LIPA: variants seen among roughly 807,000 people sequenced by gnomAD.
LIPA encodes the protein lysosomal acid lipase/cholesteryl ester hydrolase.
LIPA carries 26 observed loss-of-function variants against 40.6 expected under a neutral mutation model. The ratio of observed to expected loss-of-function variants is 0.64; its 90% CI spans 0.47 to 0.89. The LOEUF is 0.89. LIPA is among the 40% of genes least tolerant of loss of function. LIPA has a pLI of 0.00. For missense variants in LIPA, 455 were observed against 479.6 expected (o/e 0.95, Z 0.48); for synonymous variants, 188 against 168.4 (o/e 1.12, Z -0.90).
intron 1 of LIPA, chr10:89,301,882 G>C (rs1843447096): frequency 9.7e-6 from 4 of 414,050 alleles, no homozygotes; most frequent in African/African-American, 2.0e-5. Context: ...AGCTCCGGAG[G>C]AAAAAGAGTC....
In LIPA at chr10:89,250,163, G is replaced by A. The variant is rs1285277128; in HGVS notation, c.-2+1574C>T. On this transcript the variant is annotated intron_variant, in intron 1 of 9. Transcript: ENST00000336233. ...CCCCCAGGCTGGAGTACAGTGGCGA[G>A]ATCTTGGCTCACTGCAAGCTCCACC... is the stretch of plus-strand genomic sequence containing the variant. Among the ~76,000 whole-genome samples, 9 of 141,500 alleles carry A rather than the reference G, an allele frequency of 6.4e-5. 1 individual carries two copies. In the Admixed American group the frequency reaches 6.6e-4, roughly 10 times the overall value. The allele number at this position is 141,500 out of a possible 152,430, so 92.8% of individuals were successfully genotyped here.
At chr10:89,248,443 TA>T (rs370127110) in intron 1 of LIPA, among the ~76,000 whole-genome samples, 8,669 of 33,054 alleles carry the variant, frequency 0.26, 378 homozygotes, top group Middle Eastern at 0.44. Context: ...TATTATTTTA[TA>T]TTTATTTATT....
At chr10:89,266,131 C>T (rs34036515) in intron 1 of LIPA, among the ~76,000 whole-genome samples, 18,160 of 152,270 alleles carry the variant, frequency 0.12, 1,413 homozygotes, top group Non-Finnish European at 0.17. Context: ...AATCAAAACA[C>T]AGCATCGTAG....
intron 2 of LIPA, chr10:89,384,157 C>T (rs779287688): frequency 1.9e-5 from 31 of 1,614,078 alleles, no homozygotes; most frequent in Non-Finnish European, 2.3e-5. Flanking sequence ...GGAGACAACA[C>T]CCACTTCTGC....
chr10:89,299,970 T>C (rs1843435751), intron 1 of LIPA, among the ~76,000 whole-genome samples: 1 of 152,222 alleles, frequency 6.6e-6, no homozygotes, highest in Non-Finnish European at 1.5e-5. Context: ...TGCACTCACA[T>C]GTTCATCACA....
Position 89,215,623 on chromosome 10 carries a change from C to A in LIPA, c.966+315G>T, listed in dbSNP as rs571957385. Among the ~76,000 whole-genome samples the A allele has an allele frequency of 2.0e-5, 3 of 152,288 alleles. No homozygotes were observed. In the East Asian group the frequency reaches 5.8e-4, roughly 29 times the overall value. On this transcript the variant is annotated intron_variant, in intron 9 of 9. Transcript: ENST00000336233. ...AGAGGCTTAAGCAATGTAATCTGGCCAAGGCCCCATAGCTACCAGATAACA... is the reference window on the plus strand; with the variant it reads ...AGAGGCTTAAGCAATGTAATCTGGCAAAGGCCCCATAGCTACCAGATAACA...
intron 6 of LIPA, 24 bp from the exon 7 acceptor site, chr10:89,223,854 GA>G: frequency 6.2e-7 from 1 of 1,612,768 alleles, no homozygotes. Flanking sequence ...AGAAACCCAA[GA>G]ACATCTCAGC....
intron 2 of LIPA, among the ~76,000 whole-genome samples, chr10:89,395,429 C>T (rs303216): frequency 0.17 from 26,418 of 152,150 alleles, 2,936 homozygotes; most frequent in East Asian, 0.45. Context: ...ATATTACCCT[C>T]TTCTCTCTGG....
At chr10:89,327,930 A>C (rs1223205128) in intron 1 of LIPA, 1 of 703,408 alleles carries the variant, frequency 1.4e-6, no homozygotes, top group Non-Finnish European at 2.4e-6. Flanking sequence ...AAAAACGGAG[A>C]AAACATCAGC....
intron 1 of LIPA, among the ~76,000 whole-genome samples, chr10:89,291,091 T>A (rs1843371903): frequency 6.6e-6 from 1 of 152,166 alleles, no homozygotes; most frequent in African/African-American, 2.4e-5. Context: ...GGATGACTTC[T>A]CGGTCTCCTT....
At chr10:89,272,474 A>C (rs1349891398) in intron 1 of LIPA, among the ~76,000 whole-genome samples, 1 of 152,224 alleles carries the variant, frequency 6.6e-6, no homozygotes, top group African/African-American at 2.4e-5. Context: ...TATGTGTACA[A>C]CATTTTCTTT....
rs575887084 is a variant in LIPA, at chr10:89,221,309, C to G, written c.894+1202G>C. Among the ~76,000 whole-genome samples, 16 of 152,028 alleles carry G rather than the reference C, an allele frequency of 1.1e-4. No homozygotes were observed. The East Asian group carries it at 2.3e-3, about 22-fold the overall frequency. On this transcript the variant is annotated intron_variant, in intron 8 of 9. Coordinates refer to ENST00000336233, the MANE Select transcript of LIPA (RefSeq NM_000235.4). ...GGCGGAGGTTGCAGTGAGCCAAGAT[C>G]GCACCACTACACTCCAGCCTGGCAA...
intron 2 of LIPA, chr10:89,378,272 G>C: frequency 1.2e-6 from 1 of 832,864 alleles, no homozygotes; most frequent in Non-Finnish European, 2.0e-6. Flanking sequence ...ACCCTGATAG[G>C]CACCCTCAAC....
At chr10:89,247,846 T>TTTTATTTTATTTTATTTA (rs1554869398) in intron 1 of LIPA, 197 bp from the exon 2 acceptor site, 1 of 163,836 alleles carries the variant, frequency 6.1e-6, no homozygotes, top group African/African-American at 2.6e-5. Context: ...TTTATTTTTA[T>TTTTATTTTATTTTATTTA]TTTATTTATT....
At chr10:89,386,207 C>A (rs981133927) in intron 2 of LIPA, among the ~76,000 whole-genome samples, 3 of 152,070 alleles carry the variant, frequency 2.0e-5, no homozygotes, top group African/African-American at 7.2e-5. Context: ...GTACCACTTC[C>A]TACCAAGAAT....
intron 1 of LIPA, among the ~76,000 whole-genome samples, chr10:89,316,726 C>T (rs1843543382): frequency 6.6e-6 from 1 of 152,198 alleles, no homozygotes; most frequent in Non-Finnish European, 1.5e-5. Context: ...AGTGGTTCTC[C>T]CAGCACGGAG....
intron 1 of LIPA, among the ~76,000 whole-genome samples, chr10:89,250,103 C>CTTTTTT (rs1564767193): frequency 1.1e-5 from 1 of 94,062 alleles, no homozygotes; most frequent in African/African-American, 4.8e-5. Context: ...CTTTTCTTTT[C>CTTTTTT]TTTCTTTTTT....
At position 89,225,202 on chromosome 10, in the gene LIPA, C is replaced by A. The variant is rs749421449; in HGVS notation, c.565G>T (p.Glu189Ter). 1 of 1,614,128 alleles carries A rather than the reference C, an allele frequency of 6.2e-7. No individual in the cohort carries two copies. The highest frequency in any genetic ancestry group is 8.5e-7 in the Non-Finnish European group (1 of 1,180,000). ...IGFIAFSQIP[E>*]LAKRIKMFFA... ...AACATTTTAATCCTTTTAGCCAGCT[C>A]AGGGATCTGTGAAAATGCTATAAAA... Residue 189 changes from glutamate (E) to a stop codon, truncating the protein, a stop_gained, in exon 6 of 10, where the codon GAG (glutamate) becomes TAG (stop). Coordinates refer to ENST00000336233, the MANE Select transcript of LIPA (RefSeq NM_000235.4). LOFTEE classifies it high-confidence loss of function.
intron 1 of LIPA, chr10:89,307,419 C>A: frequency 1.4e-6 from 2 of 1,457,828 alleles, no homozygotes; most frequent in Non-Finnish European, 9.3e-7. Flanking sequence ...TGAAAGGGAG[C>A]TGAAATTCCT....
Sources: allele counts gnomAD v4.1 joint callset (sites outside exome capture counted in the v4.1 genomes callset), GRCh38; gene constraint gnomAD v4.1.1; transcripts MANE v1.5; gene names NCBI Gene and HGNC (gene_info 2026-07-23, HGNC 2026-07-21).